The following TLR10 variants were observed in gnomAD, a reference collection of about 807,000 sequenced individuals.
The protein encoded by TLR10 is toll-like receptor 10.
For missense variants in TLR10, 929 were observed against 932.9 expected (o/e 1.00, Z 0.05); for synonymous variants, 288 against 338.8 (o/e 0.85, Z 1.65).
chr4:38,773,777 C>T lies in TLR10; in HGVS notation c.1814G>A (p.Trp605Ter). The T allele has an allele frequency of 1.2e-6, 2 of 1,606,302 alleles. No individual in the cohort carries two copies. The highest frequency in any genetic ancestry group is 1.3e-5 in the African/African-American group (1 of 74,730). Residue 605 changes from tryptophan to a stop codon, truncating the protein, a stop_gained, in exon 4 of 4, where the codon TGG becomes TAG. Coordinates refer to ENST00000308973, the MANE Select transcript of TLR10 (RefSeq NM_030956.4). LOFTEE classifies it low-confidence loss of function (END_TRUNC). ...AFCCLHFDLP[W>*]YLRMLGQCTQ... ...GCATTGACCTAGCATCCTGAGATAC[C>T]AGGGCAGATCAAAGTGGAGACAGCA...
rs1724904289 is a variant in TLR10, at chr4:38,774,569, A to G, written c.1022T>C (p.Met341Thr). The part of the protein sequence containing the change: ...LTISNAQMPH[M>T]LFPNYPTKFQ... ...TTTCGTAGGATAATTCGGGAAAAGCATGTGTGGCATTTGTGCATTTGATAT... is the reference window on the plus strand; with the variant it reads ...TTTCGTAGGATAATTCGGGAAAAGCGTGTGTGGCATTTGTGCATTTGATAT... The change falls in exon 4 of 4, where the codon ATG becomes ACG. Residue 341 changes from methionine (M) to threonine (T), a missense_variant. Met to Thr is a moderately conservative substitution (Grantham distance 81). Coordinates refer to ENST00000308973, the MANE Select transcript of TLR10 (RefSeq NM_030956.4). 1.3e-6 allele frequency: 2 copies of G among 1,596,702 alleles called. No homozygotes were observed. The highest frequency in any genetic ancestry group is 1.3e-5 in the African/African-American group (1 of 74,078).
chr4:38,779,354 A>G (rs1165648578), intron 1 of TLR10, among the ~76,000 whole-genome samples: 1 of 152,178 alleles, frequency 6.6e-6, no homozygotes, highest in East Asian at 1.9e-4. Context: ...CAAAACACCA[A>G]CTTTTAAAAA....
intron 1 of TLR10, among the ~76,000 whole-genome samples, chr4:38,780,645 G>A (rs1043976613): frequency 6.6e-6 from 1 of 152,100 alleles, no homozygotes; most frequent in African/African-American, 2.4e-5. Flanking sequence ...GTCAAGACTC[G>A]GGTGAAGCAA....
At chr4:38,782,348 G>C (rs866875265) in intron 1 of TLR10, among the ~76,000 whole-genome samples, 7 of 152,194 alleles carry the variant, frequency 4.6e-5, no homozygotes, top group Non-Finnish European at 5.9e-5. Flanking sequence ...GCTCAGTGTA[G>C]GTGGTCTGGG....
chr4:38,774,779 A>G lies in TLR10; in HGVS notation c.812T>C (p.Val271Ala). 1.2e-6 allele frequency: 2 copies of G among 1,602,070 alleles called. No homozygotes were observed. Among genetic ancestry groups the G allele is most frequent in the Non-Finnish European group, 8.5e-7 (1 of 1,176,268 alleles). The change falls in exon 4 of 4, where the codon GTG becomes GCG. Residue 271 changes from valine (V) to alanine (A), a missense_variant. Physicochemically the swap from Val to Ala is moderately conservative, Grantham distance 64. Coordinates refer to ENST00000308973, the MANE Select transcript of TLR10 (RefSeq NM_030956.4). The stretch of plus-strand genomic sequence containing the variant: ...CACATTTCGGATCTGAAAGTGTTCC[A>G]CTGATGTATGCCAAACAAATTGTAA... ...LILQFVWHTS[V>A]EHFQIRNVTF...
Position 38,774,898 on chromosome 4 carries a change from A to G in TLR10, c.693T>C (p.Tyr231=), listed in dbSNP as rs758266387. 6 of 1,610,138 alleles carry G rather than the reference A, an allele frequency of 3.7e-6. No homozygotes were observed. In the African/African-American group the frequency reaches 4.0e-5, roughly 11 times the overall value. ...CTAAACTAAGATTTCGTTGCATTTC[A>G]TAACTTACAAATTGGCTTTTGCCAT... The part of the protein sequence containing the change: ...NIDGKSQFVS[Y]EMQRNLSLEN... Residue 231 remains tyrosine (Y), a synonymous_variant, in exon 4 of 4, where the codon TAT becomes TAC. Coordinates refer to ENST00000308973, the MANE Select transcript of TLR10 (RefSeq NM_030956.4).
intron 1 of TLR10, among the ~76,000 whole-genome samples, chr4:38,778,126 A>C (rs1410690730): frequency 6.6e-6 from 1 of 152,250 alleles, no homozygotes; most frequent in East Asian, 1.9e-4. Flanking sequence ...GCCATAAAAA[A>C]GAATGTGTTC....
Position 38,773,008 on chromosome 4 carries a change from ATTCTTAG to A in TLR10, c.*140_*146del. The A allele has an allele frequency of 1.4e-6, 1 of 731,636 alleles. No homozygotes were observed. Among genetic ancestry groups the A allele is most frequent in the Middle Eastern group, 3.5e-4 (1 of 2,880 alleles). 45.3% of individuals were successfully genotyped at this position (731,636 alleles called of 1,614,324 possible). On this transcript the variant is annotated 3_prime_UTR_variant, in exon 4 of 4. Coordinates refer to ENST00000308973, the MANE Select transcript of TLR10 (RefSeq NM_030956.4). ...TTGTGAAGGTGTTTCTATAGGATAC[ATTCTTAG>A]AAATCCTTCTAGAAACTGATATGAA...
chr4:38,774,644 T>C lies in TLR10; in HGVS notation c.947A>G (p.Gln316Arg). The change falls in exon 4 of 4, where the codon CAG becomes CGG. Residue 316 changes from glutamine (Q) to arginine (R), a missense_variant. Gln to Arg is a conservative substitution (Grantham distance 43). Coordinates refer to ENST00000308973, the MANE Select transcript of TLR10 (RefSeq NM_030956.4). ...HVHFRVFYIQ[Q>R]DKIYLLLTKM... The stretch of plus-strand genomic sequence containing the variant: ...GGTCAAAAGCAAATAGATTTTATCC[T>C]GTTGAATGTAAAACACTCTGAAATG... 6.4e-7 allele frequency: 1 copy of C among 1,571,186 alleles called. No individual in the cohort carries two copies. The highest frequency in any genetic ancestry group is 1.4e-5 in the African/African-American group (1 of 73,048).
In TLR10 at chr4:38,773,314, C is replaced by G; in HGVS notation, c.2277G>C (p.Lys759Asn). ...AGAAAAGCCCACATTTACGCCTATC[C>G]TTGGGCCATTCCAAGTATGCTTTTT... is the stretch of plus-strand genomic sequence containing the variant. ...LEKKAYLEWP[K>N]DRRKCGLFWA... The change falls in exon 4 of 4, where the codon AAG becomes AAC. Residue 759 changes from lysine to asparagine, a missense_variant. Physicochemically the swap from Lys to Asn is moderately conservative, Grantham distance 94. Transcript: ENST00000308973. The G allele has an allele frequency of 6.2e-7, 1 of 1,613,744 alleles. No homozygotes were observed. The highest frequency in any genetic ancestry group is 2.2e-5 in the East Asian group (1 of 44,882).
Position 38,775,256 on chromosome 4 carries a change from G to A in TLR10, c.335C>T (p.Thr112Ile). Residue 112 changes from threonine (T) to isoleucine (I), a missense_variant, in exon 4 of 4, where the codon ACT becomes ATT. Transcript: ENST00000308973. ...CCTGAGACCTGCCAGTAAATACCAAGTTACACTCTTCAGTCTGTTATTAGA... is the reference window on the plus strand; with the variant it reads ...CCTGAGACCTGCCAGTAAATACCAAATTACACTCTTCAGTCTGTTATTAGA... The part of the protein sequence containing the change: ...DLSNNRLKSV[T>I]WYLLAGLRYL... 6.2e-7 allele frequency: 1 copy of A among 1,613,796 alleles called. No homozygotes were observed. The highest frequency in any genetic ancestry group is 8.5e-7 in the Non-Finnish European group (1 of 1,179,926).
chr4:38,773,505 A>G lies in TLR10; in HGVS notation c.2086T>C (p.Leu696=). The G allele has an allele frequency of 6.2e-7, 1 of 1,612,660 alleles. No individual in the cohort carries two copies. The highest frequency in any genetic ancestry group is 2.2e-5 in the East Asian group (1 of 44,888). ...TCATTCTGGACAAAGTTGGGAGACAAAACAAAGATGGACTTATAGCTTTTC... is the reference window on the plus strand; with the variant it reads ...TCATTCTGGACAAAGTTGGGAGACAGAACAAAGATGGACTTATAGCTTTTC... ...IEKSYKSIFV[L]SPNFVQNEWC... Residue 696 remains leucine (L), a synonymous_variant, in exon 4 of 4, where the codon TTG becomes CTG. Transcript: ENST00000308973.
chr4:38,780,031 T>C (rs1473702615), intron 1 of TLR10, among the ~76,000 whole-genome samples: 1 of 152,242 alleles, frequency 6.6e-6, no homozygotes, highest in Admixed American at 6.5e-5. Context: ...ATGCATAATA[T>C]GCTCTCATAA....
chr4:38,777,226 T>A (rs1303134226), intron 1 of TLR10, among the ~76,000 whole-genome samples: 1 of 152,150 alleles, frequency 6.6e-6, no homozygotes, highest in South Asian at 2.1e-4. Flanking sequence ...TCCCTGATAG[T>A]GATCTTCATG....
At chr4:38,782,259 T>C (rs750204970) in intron 1 of TLR10, among the ~76,000 whole-genome samples, 5 of 152,226 alleles carry the variant, frequency 3.3e-5, no homozygotes, top group African/African-American at 7.2e-5. Context: ...TGCCTACATG[T>C]ATAAATATAT....
chr4:38,774,786 T>C lies in TLR10; in HGVS notation c.805A>G (p.Thr269Ala). 2.5e-6 allele frequency: 4 copies of C among 1,601,598 alleles called. No individual in the cohort carries two copies. Among genetic ancestry groups the C allele is most frequent in the Non-Finnish European group, 3.4e-6 (4 of 1,175,764 alleles). ...CGGATCTGAAAGTGTTCCACTGATGTATGCCAAACAAATTGTAAGATAAGG... is the reference window on the plus strand; with the variant it reads ...CGGATCTGAAAGTGTTCCACTGATGCATGCCAAACAAATTGTAAGATAAGG... ...LFLILQFVWH[T>A]SVEHFQIRNV... The change falls in exon 4 of 4, where the codon ACA (threonine) becomes GCA (alanine). Residue 269 changes from threonine (T) to alanine (A), a missense_variant. Transcript: ENST00000308973.
In TLR10 at chr4:38,775,504, T is replaced by A. The variant is rs201516078; in HGVS notation, c.87A>T (p.Glu29Asp). The A allele has an allele frequency of 4.3e-6, 7 of 1,614,012 alleles. No individual in the cohort carries two copies. The highest frequency in any genetic ancestry group is 5.9e-6 in the Non-Finnish European group (7 of 1,180,020). ...GDAPELPEER[E>D]LMTNCSNMSL... ...ACATGTTGGAGCAGTTGGTCATCAG[T>A]TCCCTTTCTTCTGGCAGCTCTGGAG... The change falls in exon 4 of 4, where the codon GAA (glutamate) becomes GAT (aspartate). Residue 29 changes from glutamate to aspartate, a missense_variant. By Grantham distance (45) the Glu-to-Asp change is conservative (BLOSUM62 2). Coordinates refer to ENST00000308973, the MANE Select transcript of TLR10 (RefSeq NM_030956.4).
Position 38,773,307 on chromosome 4 carries a change from G to A in TLR10, c.2284C>T (p.Arg762Cys), listed in dbSNP as rs144922246. Reference sequence around the variant, plus strand: ...TTTGCCCAGAAAAGCCCACATTTACGCCTATCCTTGGGCCATTCCAAGTAT... The same window carrying A: ...TTTGCCCAGAAAAGCCCACATTTACACCTATCCTTGGGCCATTCCAAGTAT... Reference protein sequence around the residue: ...KAYLEWPKDRRKCGLFWANLR... With the variant: ...KAYLEWPKDRCKCGLFWANLR... The change falls in exon 4 of 4, where the codon CGT (arginine) becomes TGT (cysteine). Residue 762 changes from arginine (R) to cysteine (C), a missense_variant. Arg to Cys is a radical substitution (Grantham distance 180, BLOSUM62 -3). Coordinates refer to ENST00000308973, the MANE Select transcript of TLR10 (RefSeq NM_030956.4). 4.9e-4 allele frequency: 791 copies of A among 1,613,144 alleles called. 3 individuals are homozygous for A. In the African/African-American group the frequency reaches 8.4e-3, roughly 17 times the overall value.
Position 38,773,420 on chromosome 4 carries a change from T to C in TLR10, c.2171A>G (p.His724Arg). ...HHNLFHENSD[H>R]IILILLEPIP... is the part of the protein sequence containing the mutation. ...GGGTTCCAGTAAGATAAGAATTATA[T>C]GATCAGAATTTTCATGGAAGAGATT... Residue 724 changes from histidine to arginine, a missense_variant, in exon 4 of 4, where the codon CAT (histidine) becomes CGT (arginine). By Grantham distance (29) the His-to-Arg change is conservative (BLOSUM62 0). Coordinates refer to ENST00000308973, the MANE Select transcript of TLR10 (RefSeq NM_030956.4). The C allele has an allele frequency of 1.2e-6, 2 of 1,612,772 alleles. No homozygotes were observed. Among genetic ancestry groups the C allele is most frequent in the Non-Finnish European group, 1.7e-6 (2 of 1,179,570 alleles).
Sources: allele counts gnomAD v4.1 joint callset (sites outside exome capture counted in the v4.1 genomes callset), GRCh38; gene constraint gnomAD v4.1.1; transcripts MANE v1.5; gene names NCBI Gene and HGNC (gene_info 2026-07-23, HGNC 2026-07-21).